SLC16A3: variants seen among roughly 807,000 people sequenced by gnomAD.
SLC16A3 encodes the protein solute carrier family 16 member 3, also known as monocarboxylate transporter 4.
In SLC16A3, 22 loss-of-function variants were observed where a neutral mutation model predicts 25.0. The ratio of observed to expected loss-of-function variants is 0.88; its 90% confidence interval spans 0.63 to 1.26. The LOEUF (loss-of-function observed/expected upper bound fraction) is 1.26. SLC16A3 is among the 50% of genes most tolerant of loss of function. The probability of loss-of-function intolerance (pLI) is 0.00; values close to 1 mark genes in which losing one functional copy is unlikely to be tolerated. For missense variants in SLC16A3, 731 were observed against 666.6 expected, an observed-to-expected ratio of 1.10 and a Z score of -1.06; for synonymous variants, 390 against 309.2, an observed-to-expected ratio of 1.26 and a Z score of -2.74.
rs2050451725 is a variant in SLC16A3 at position 82,229,066 on chromosome 17, G to A, written c.-67G>A. ...CGGCAGAGGCGGGCAGAGGCGGCGA[G>A]AGGCGGCGAGAGGCGGGCTGAGGCG... On this transcript the variant is annotated 5_prime_UTR_variant, in exon 1 of 5. Transcript: ENST00000582743. 6 of 150,174 alleles carry A rather than the reference G, an allele frequency of 4.0e-5. No individual in the cohort carries two copies. In the South Asian group the frequency reaches 1.2e-3, roughly 29 times the overall value. The allele number at this position is 150,174 out of a possible 1,614,324, so 9.3% of individuals were successfully genotyped here. A position where few individuals can be genotyped will look rare whatever the true frequency, so the allele number is the denominator to read the frequency against.
intron 2 of SLC16A3, 166 bp from the exon 3 acceptor site, chr17:82,236,563 C>A: frequency 1.0e-6 from 1 of 972,918 alleles, no homozygotes. Flanking sequence ...GCTCACGTGT[C>A]ATCATGGCCT....
At chr17:82,235,684 G>T (rs2050584435) in intron 1 of SLC16A3, 1 of 443,542 alleles carries the variant, frequency 2.3e-6, no homozygotes, top group Non-Finnish European at 4.2e-6. Flanking sequence ...GTTCCTGTCG[G>T]GGGCTGCTTG....
intron 1 of SLC16A3, 76 bp from the exon 2 acceptor site, chr17:82,235,907 C>T: frequency 2.0e-6 from 2 of 1,009,860 alleles, no homozygotes; most frequent in South Asian, 1.5e-5. Flanking sequence ...GGCCACCCAG[C>T]TCGTGTCCCT....
Position 82,237,482 on chromosome 17 carries a change from A to G in SLC16A3, c.712A>G (p.Met238Val). The G allele has an allele frequency of 6.2e-7, 1 of 1,610,408 alleles. No individual in the cohort carries two copies. The highest frequency in any genetic ancestry group is 8.5e-7 in the Non-Finnish European group (1 of 1,179,552). Residue 238 changes from methionine to valine, a missense_variant, in exon 4 of 5, where the codon ATG (methionine) becomes GTG (valine). Met to Val is a conservative substitution (Grantham distance 21, BLOSUM62 1). Coordinates refer to ENST00000582743, the MANE Select transcript of SLC16A3 (RefSeq NM_004207.4). ...FVLYAVAASV[M>V]VLGLFVPPVF... ...GCTTTACGCCGTGGCCGCCTCGGTC[A>G]TGGTGCTGGGGCTCTTCGTCCCGCC...
chr17:82,232,683 A>G (rs115445816), intron 1 of SLC16A3, among the ~76,000 whole-genome samples: 8,821 of 152,230 alleles, frequency 0.058, 366 homozygotes, highest in South Asian at 0.14. Context: ...CCTCGAGGGA[A>G]CTGCCTGCAG....
Position 82,237,239 on chromosome 17 carries a change from CCT to C in SLC16A3, c.470_471del (p.Pro157ArgfsTer117). ...CAACGGGCTGGCGGCAGCAGGTAGCCCTGTCTTCCTGTGTGCCCTGAGCCCGC... is the reference window on the plus strand; with the variant it reads ...CAACGGGCTGGCGGCAGCAGGTAGCCGTCTTCCTGTGTGCCCTGAGCCCGC... ...MANGLAAAGS[P>X]VFLCALSPLG... On this transcript the variant is annotated frameshift_variant, in exon 4 of 5. Coordinates refer to ENST00000582743, the MANE Select transcript of SLC16A3 (RefSeq NM_004207.4). LOFTEE classifies it high-confidence loss of function. 2 of 1,558,194 alleles carry C rather than the reference CCT, an allele frequency of 1.3e-6. No individual in the cohort carries two copies. The highest frequency in any genetic ancestry group is 1.7e-6 in the Non-Finnish European group (2 of 1,151,266).
chr17:82,238,716 G>T lies in SLC16A3; in HGVS notation c.1138G>T (p.Ala380Ser), dbSNP rs1486749857. 6 of 1,610,714 alleles carry T rather than the reference G, an allele frequency of 3.7e-6. No individual in the cohort carries two copies. The highest frequency in any genetic ancestry group is 5.1e-6 in the Non-Finnish European group (6 of 1,179,086). The change falls in exon 5 of 5, where the codon GCG (alanine) becomes TCG (serine). Residue 380 changes from alanine to serine, a missense_variant. Transcript: ENST00000582743. Reference sequence around the variant, plus strand: ...TCTTCCCGCAGGCAAACTCCTGGATGCGACCCACGTCTACATGTACGTGTT... The same window carrying T: ...TCTTCCCGCAGGCAAACTCCTGGATTCGACCCACGTCTACATGTACGTGTT... ...GPPSGGKLLD[A>S]THVYMYVFIL...
At chr17:82,230,220 T>C (rs1421468182) in intron 1 of SLC16A3, 1 of 152,384 alleles carries the variant, frequency 6.6e-6, no homozygotes, top group African/African-American at 2.4e-5. Context: ...GACTCCCTCA[T>C]GGAGGGAAGG....
At chr17:82,220,605 T>C (rs562471282) in intron 1 of SLC16A3, among the ~76,000 whole-genome samples, 43 of 152,234 alleles carry the variant, frequency 2.8e-4, no homozygotes, top group African/African-American at 1.0e-3. Flanking sequence ...ATCCTGTCTC[T>C]ATCTAAAAAA....
intron 3 of SLC16A3, 36 bp from the exon 4 acceptor site, chr17:82,237,102 C>T (rs2050622451): frequency 6.7e-7 from 1 of 1,483,068 alleles, no homozygotes. Context: ...TTTGGGGCAG[C>T]CTTGGGGGGC....
In SLC16A3 at chr17:82,237,877, C is replaced by T. The variant is rs367585521; in HGVS notation, c.1107C>T (p.Val369=). The change falls in exon 4 of 5, where the codon GTC becomes GTT. Residue 369 remains valine, a synonymous_variant. Coordinates refer to ENST00000582743, the MANE Select transcript of SLC16A3 (RefSeq NM_004207.4). The part of the protein sequence containing the change: ...VLLMEAVAVL[V]GPPSGGKLLD... ...TGATGGAGGCGGTGGCCGTGCTCGT[C>T]GGGCCCCCTTCGGGAGGTGAGCGCT... The T allele has an allele frequency of 1.6e-5, 25 of 1,599,848 alleles. No individual in the cohort carries two copies. The highest frequency in any genetic ancestry group is 3.3e-5 in the Admixed American group (2 of 59,970).
rs1486142598 is a variant in SLC16A3 at position 82,239,025 on chromosome 17, A to G, written c.*49A>G. 6 of 1,475,956 alleles carry G rather than the reference A, an allele frequency of 4.1e-6. No homozygotes were observed. Among genetic ancestry groups the G allele is most frequent in the Non-Finnish European group, 5.4e-6 (6 of 1,108,868 alleles). The allele number at this position is 1,475,956 out of a possible 1,614,324, so 91.4% of individuals were successfully genotyped here. On this transcript the variant is annotated 3_prime_UTR_variant, in exon 5 of 5. Coordinates refer to ENST00000582743, the MANE Select transcript of SLC16A3 (RefSeq NM_004207.4). Reference sequence around the variant, plus strand: ...ACAGGGAGGAGGTACAGAAGCCGGCAACGCTTGCTATTTATTTTACAAACT... The same window carrying G: ...ACAGGGAGGAGGTACAGAAGCCGGCGACGCTTGCTATTTATTTTACAAACT...
At chr17:82,227,604 T>C (rs142468143), upstream of SLC16A3, among the ~76,000 whole-genome samples, 1,589 of 76,354 alleles carry the variant, frequency 0.021, 94 homozygotes, top group African/African-American at 0.065. Flanking sequence ...GAGCACCACC[T>C]GCCCTGGGCG....
intron 1 of SLC16A3, among the ~76,000 whole-genome samples, chr17:82,221,707 A>G (rs552454056): frequency 6.6e-6 from 1 of 152,188 alleles, no homozygotes; most frequent in Non-Finnish European, 1.5e-5. Flanking sequence ...CCAATCCATC[A>G]TGAGATACTA....
intron 1 of SLC16A3, among the ~76,000 whole-genome samples, chr17:82,219,563 A>G (rs9944398): frequency 0.76 from 115,040 of 151,590 alleles, 44,319 homozygotes; most frequent in East Asian, 0.93. Context: ...CAGGGGGACC[A>G]ATGGGGCCCT....
chr17:82,220,926 C>T (rs1484703674), intron 1 of SLC16A3, among the ~76,000 whole-genome samples: 1 of 152,104 alleles, frequency 6.6e-6, no homozygotes, highest in Admixed American at 6.5e-5. Context: ...TGGGTTCAAG[C>T]AATTCTCGTG....
intron 1 of SLC16A3, among the ~76,000 whole-genome samples, chr17:82,218,794 G>C (rs1568528045): frequency 6.6e-6 from 1 of 152,210 alleles, no homozygotes; most frequent in Non-Finnish European, 1.5e-5. Flanking sequence ...CCTGGGGCCA[G>C]GCTGGTGGCA....
At chr17:82,218,842 T>C (rs561407266) in intron 1 of SLC16A3, among the ~76,000 whole-genome samples, 1 of 152,118 alleles carries the variant, frequency 6.6e-6, no homozygotes, top group South Asian at 2.1e-4. Context: ...CCTGCATCTG[T>C]TCCATCCAGG....
At chr17:82,235,609 G>A in intron 1 of SLC16A3, 1 of 297,136 alleles carries the variant, frequency 3.4e-6, no homozygotes, top group Non-Finnish European at 6.6e-6. Flanking sequence ...ATCATGGTGT[G>A]CGTGGTCCCT....
Sources: gnomAD v4.1 joint callset for allele counts (sites outside exome capture counted in the v4.1 genomes callset) on GRCh38, gnomAD v4.1.1 for gene constraint, MANE v1.5 for transcripts, NCBI Gene and HGNC (gene_info 2026-07-23, HGNC 2026-07-21) for gene names.